Variants in WDR41 observed in about 807,000 individuals in gnomAD.
WDR41 encodes WD repeat domain 41, also known as WD repeat-containing protein 41.
A neutral mutation model predicts 69.3 loss-of-function variants in WDR41; 63 were observed. That is an observed-to-expected ratio of 0.91 (90% CI 0.74 to 1.12). The LOEUF is 1.12. WDR41 is among the 50% of genes most tolerant of loss of function. The pLI, the probability that WDR41 is intolerant of heterozygous loss-of-function variation, is 0.00. For missense variants in WDR41, 543 were observed against 534.5 expected (o/e 1.02, Z -0.16); for synonymous variants, 185 against 192.1 (o/e 0.96, Z 0.31).
chr5:77,577,176 C>G lies in WDR41; in HGVS notation c.42+43303G>C, dbSNP rs531655067. On this transcript the variant is annotated intron_variant, in intron 1 of 5. Transcript: ENST00000509971. ...TGTTGGGCAAGCTTGGGTCATATGT[C>G]ACTTTTAGGTCAATCAGCTAAGTTC... Among the ~76,000 whole-genome samples, 23 of 152,172 alleles carry G rather than the reference C, an allele frequency of 1.5e-4. No homozygotes were observed. The South Asian group carries it at 4.8e-3, about 32-fold the overall frequency.
intron 1 of WDR41, among the ~76,000 whole-genome samples, chr5:77,513,779 T>C (rs1228953752): frequency 6.6e-6 from 1 of 152,188 alleles, no homozygotes; most frequent in Non-Finnish European, 1.5e-5. Flanking sequence ...TGAGCCCAAC[T>C]TATTTTTCTA....
At chr5:77,604,803 T>A (rs931937754) in intron 1 of WDR41, among the ~76,000 whole-genome samples, 1 of 151,962 alleles carries the variant, frequency 6.6e-6, no homozygotes, top group Non-Finnish European at 1.5e-5. Flanking sequence ...TACATAACTT[T>A]AAAAAAAATG....
intron 1 of WDR41, among the ~76,000 whole-genome samples, chr5:77,608,354 T>G (rs1334951504): frequency 1.3e-5 from 2 of 152,192 alleles, no homozygotes; most frequent in Admixed American, 6.5e-5. Flanking sequence ...TCCCTGGAAG[T>G]AGGAAAAGCA....
intron 1 of WDR41, among the ~76,000 whole-genome samples, chr5:77,508,237 C>T (rs1001703376): frequency 6.6e-6 from 1 of 151,814 alleles, no homozygotes; most frequent in African/African-American, 2.4e-5. Flanking sequence ...TTCTCCACCT[C>T]AGCCTCCCAG....
rs765989697 is a variant in WDR41, at chr5:77,437,372, CTCT to C, written c.1054_1056del (p.Arg352del). ...GGCTCAGCTGCAAGCTGCTGTTTTT[CTCT>C]TAACTCCCAAATGCGTACACTGCCA... On this transcript the variant is annotated inframe_deletion, in exon 11 of 13. Coordinates refer to ENST00000296679, the MANE Select transcript of WDR41 (RefSeq NM_018268.4). 1.9e-6 allele frequency: 3 copies of C among 1,613,970 alleles called. No individual in the cohort carries two copies. Among genetic ancestry groups the C allele is most frequent in the African/African-American group, 1.3e-5 (1 of 75,050 alleles).
At chr5:77,608,684 C>A (rs1277863595) in intron 1 of WDR41, among the ~76,000 whole-genome samples, 2 of 152,154 alleles carry the variant, frequency 1.3e-5, no homozygotes, top group African/African-American at 4.8e-5. Flanking sequence ...CGCAAGAAGG[C>A]CAAATAGGAA....
chr5:77,541,571 C>T (rs1743089573), intron 1 of WDR41, among the ~76,000 whole-genome samples: 1 of 146,422 alleles, frequency 6.8e-6, no homozygotes, highest in Non-Finnish European at 1.5e-5. Flanking sequence ...TGGCTCACTG[C>T]AACCTCTGCC....
At chr5:77,462,405 G>A (rs1258522484) in intron 4 of WDR41, among the ~76,000 whole-genome samples, 2 of 72,222 alleles carry the variant, frequency 2.8e-5, no homozygotes, top group African/African-American at 1.7e-4. Context: ...GTGAAACTCC[G>A]TCTCAAAAAA....
intron 1 of WDR41, among the ~76,000 whole-genome samples, chr5:77,566,425 G>A (rs1187692703): frequency 6.6e-6 from 1 of 151,940 alleles, no homozygotes; most frequent in African/African-American, 2.4e-5. Flanking sequence ...ATGCATATTT[G>A]TTGCAGCGAT....
intron 1 of WDR41, chr5:77,582,628 G>A: frequency 6.2e-7 from 1 of 1,601,646 alleles, no homozygotes; most frequent in Non-Finnish European, 8.5e-7. Context: ...CTATGTACCT[G>A]CAGAACCCAA....
chr5:77,513,624 T>A (rs1802242568), intron 1 of WDR41, among the ~76,000 whole-genome samples: 1 of 152,190 alleles, frequency 6.6e-6, no homozygotes, highest in African/African-American at 2.4e-5. Context: ...TTGCCAAGAT[T>A]TTCTAAACCA....
intron 1 of WDR41, among the ~76,000 whole-genome samples, chr5:77,612,159 C>A (rs544998538): frequency 6.6e-6 from 1 of 152,208 alleles, no homozygotes; most frequent in Admixed American, 6.5e-5. Flanking sequence ...AATAGTTTAC[C>A]AACCAAAAAG....
chr5:77,580,835 A>G (rs1400397390), intron 1 of WDR41, among the ~76,000 whole-genome samples: 1 of 151,942 alleles, frequency 6.6e-6, no homozygotes, highest in Non-Finnish European at 1.5e-5. Flanking sequence ...GGGCACCTGT[A>G]TTCCCAGCTA....
chr5:77,602,198 G>A (rs1744334383), intron 1 of WDR41, among the ~76,000 whole-genome samples: 1 of 151,432 alleles, frequency 6.6e-6, no homozygotes, highest in South Asian at 2.1e-4. Context: ...GGAGTGCAAT[G>A]GCATGATCTT....
chr5:77,542,329 G>T (rs1743105040), intron 1 of WDR41, among the ~76,000 whole-genome samples: 3 of 152,130 alleles, frequency 2.0e-5, no homozygotes, highest in Admixed American at 2.0e-4. Flanking sequence ...TGGGTGCTGG[G>T]CTTAATACGT....
intron 5 of WDR41, among the ~76,000 whole-genome samples, chr5:77,458,561 ATATCAT>A (rs1381685274): frequency 2.0e-5 from 3 of 152,158 alleles, no homozygotes; most frequent in Non-Finnish European, 4.4e-5. Flanking sequence ...AGCTTCTGTC[ATATCAT>A]TAGCCCCAAT....
At chr5:77,594,665 A>G (rs1049995101) in intron 1 of WDR41, among the ~76,000 whole-genome samples, 2 of 152,178 alleles carry the variant, frequency 1.3e-5, no homozygotes, top group African/African-American at 2.4e-5. Flanking sequence ...CTAGAAGTCT[A>G]CTTCTAGAAA....
At chr5:77,618,179 A>G (rs1298739179) in intron 1 of WDR41, among the ~76,000 whole-genome samples, 1 of 152,224 alleles carries the variant, frequency 6.6e-6, no homozygotes, top group Non-Finnish European at 1.5e-5. Context: ...TCCCCTGGAC[A>G]TGTGAAGCAA....
rs756526951 is a variant in WDR41 at position 77,436,296 on chromosome 5, T to A, written c.1192A>T (p.Ile398Phe). 1.9e-6 allele frequency: 3 copies of A among 1,614,114 alleles called. No homozygotes were observed. Among genetic ancestry groups the A allele is most frequent in the African/African-American group, 2.7e-5 (2 of 75,066 alleles). Residue 398 changes from isoleucine (I) to phenylalanine (F), a missense_variant, in exon 12 of 13, where the codon ATT becomes TTT. Transcript: ENST00000296679. ...ENATSCSLEL[I>F]GDLIGHSSSV... Reference sequence around the variant, plus strand: ...GATGAGTGTCCAATCAAATCTCCAATAAGCTCCAGTGAACATGAAGTAGCA... The same window carrying A: ...GATGAGTGTCCAATCAAATCTCCAAAAAGCTCCAGTGAACATGAAGTAGCA...
Sources: gnomAD v4.1 joint callset for allele counts (sites outside exome capture counted in the v4.1 genomes callset) on GRCh38, gnomAD v4.1.1 for gene constraint, MANE v1.5 for transcripts, NCBI Gene and HGNC (gene_info 2026-07-23, HGNC 2026-07-21) for gene names.